Variants in EXOC2 observed in about 807,000 individuals in gnomAD.
The protein encoded by EXOC2 is exocyst complex component 2, also known as SEC5-like 1.
A neutral mutation model predicts 131.8 loss-of-function variants in EXOC2; 70 were observed. The observed-to-expected ratio is 0.53, with a 90% CI of 0.44 to 0.65. EXOC2 has a LOEUF of 0.65. Ranked by LOEUF, EXOC2 falls within the 30% of genes least tolerant of loss-of-function variation. The probability of loss-of-function intolerance (pLI) is 0.00; values close to 1 mark genes in which losing one functional copy is unlikely to be tolerated. For missense variants in EXOC2, 923 were observed against 1,108.6 expected, an observed-to-expected ratio of 0.83 and a Z score of 2.38; for synonymous variants, 411 against 398.4, an observed-to-expected ratio of 1.03 and a Z score of -0.38.
chr6:563,440 A>G (rs1757804625), intron 16 of EXOC2, among the ~76,000 whole-genome samples: 1 of 152,188 alleles, frequency 6.6e-6, no homozygotes, highest in Non-Finnish European at 1.5e-5. Context: ...TAAGCTTCCT[A>G]CCTAAAAAGC....
At chr6:687,171 C>CTATTTTTTTTTTTTTT (rs1764696374) in intron 1 of EXOC2, among the ~76,000 whole-genome samples, 1 of 78,360 alleles carries the variant, frequency 1.3e-5, no homozygotes, top group Non-Finnish European at 2.2e-5. Flanking sequence ...AAATAATATT[C>CTATTTTTTTTTTTTTT]TTTTTTTTTT....
chr6:512,237 A>G (rs771233732), intron 23 of EXOC2, among the ~76,000 whole-genome samples: 23 of 152,198 alleles, frequency 1.5e-4, no homozygotes, highest in Non-Finnish European at 2.5e-4. Flanking sequence ...TCCACGAACA[A>G]TACAGGTTTG....
chr6:595,195 T>C (rs1334086429), intron 10 of EXOC2, among the ~76,000 whole-genome samples: 1 of 151,926 alleles, frequency 6.6e-6, no homozygotes, highest in Non-Finnish European at 1.5e-5. Flanking sequence ...TTAGAAAAAA[T>C]TGTGAACAGT....
At chr6:604,078 C>T (rs575019392) in intron 7 of EXOC2, among the ~76,000 whole-genome samples, 1 of 152,304 alleles carries the variant, frequency 6.6e-6, no homozygotes, top group South Asian at 2.1e-4. Context: ...GCAACTGAGA[C>T]ACAGAGGTTA....
chr6:641,067 G>C (rs564293257), intron 1 of EXOC2, among the ~76,000 whole-genome samples: 1 of 152,106 alleles, frequency 6.6e-6, no homozygotes, highest in African/African-American at 2.4e-5. Flanking sequence ...TGTAGTAACT[G>C]ACCACCGGTT....
chr6:674,107 A>G lies in EXOC2; in HGVS notation c.-44+18912T>C, dbSNP rs9504708. Among the ~76,000 whole-genome samples, 325 of 152,294 alleles carry G rather than the reference A, an allele frequency of 2.1e-3. 1 individual carries two copies. The highest frequency in any genetic ancestry group is 7.6e-3 in the African/African-American group (317 of 41,548). On this transcript the variant is annotated intron_variant, in intron 1 of 27. Transcript: ENST00000230449. The stretch of plus-strand genomic sequence containing the variant: ...TGGTTCAAAGAATAACAAAACTAAC[A>G]AACTCTGAGCTAGAAATTAAGCAAA...
At chr6:595,435 ATCG>A (rs1269937151) in intron 10 of EXOC2, among the ~76,000 whole-genome samples, 2 of 152,074 alleles carry the variant, frequency 1.3e-5, no homozygotes, top group Non-Finnish European at 2.9e-5. Flanking sequence ...TTCTCAAAGC[ATCG>A]TAAATAAAAT....
At chr6:518,680 T>C (rs1016067028) in intron 23 of EXOC2, among the ~76,000 whole-genome samples, 1 of 152,194 alleles carries the variant, frequency 6.6e-6, no homozygotes, top group Admixed American at 6.5e-5. Context: ...GCACTGACTC[T>C]AATATATCAA....
chr6:615,309 CCCCAG>C (rs1462718699), intron 6 of EXOC2, among the ~76,000 whole-genome samples: 12 of 151,954 alleles, frequency 7.9e-5, no homozygotes, highest in African/African-American at 1.2e-4. Flanking sequence ...GTTCAGGAGA[CCCCAG>C]ACACGAATGC....
intron 6 of EXOC2, among the ~76,000 whole-genome samples, chr6:616,774 C>T (rs1384187385): frequency 6.6e-6 from 1 of 151,202 alleles, no homozygotes; most frequent in Admixed American, 6.6e-5. Context: ...GATGGGGTCT[C>T]GCTCTGTCAC....
intron 4 of EXOC2, among the ~76,000 whole-genome samples, chr6:621,455 C>T (rs545390915): frequency 5.3e-5 from 8 of 152,226 alleles, no homozygotes; most frequent in Non-Finnish European, 7.3e-5. Flanking sequence ...CCCTGCACAG[C>T]GAGACGCCAC....
intron 21 of EXOC2, among the ~76,000 whole-genome samples, chr6:549,864 G>C (rs184857192): frequency 6.6e-6 from 1 of 152,196 alleles, no homozygotes; most frequent in African/African-American, 2.4e-5. Context: ...TGGGGAGTGA[G>C]GGTCACTGAG....
intron 22 of EXOC2, among the ~76,000 whole-genome samples, chr6:546,202 T>C (rs914374109): frequency 4.6e-5 from 7 of 152,006 alleles, no homozygotes; most frequent in African/African-American, 1.7e-4. Flanking sequence ...AAAAAATGCA[T>C]GACTGGAAAA....
At chr6:511,005 G>GTT (rs1428615622) in intron 23 of EXOC2, among the ~76,000 whole-genome samples, 3 of 152,212 alleles carry the variant, frequency 2.0e-5, no homozygotes, top group Non-Finnish European at 4.4e-5. Flanking sequence ...TCAAGAAGGT[G>GTT]TTTTGTTTTT....
chr6:650,987 C>T (rs897973259), intron 1 of EXOC2, among the ~76,000 whole-genome samples: 1 of 151,306 alleles, frequency 6.6e-6, no homozygotes, highest in Non-Finnish European at 1.5e-5. Flanking sequence ...AAAATCAAAA[C>T]CTGCAGATCT....
chr6:572,546 A>G lies in EXOC2; in HGVS notation c.1417T>C (p.Tyr473His), dbSNP rs771674302. 3.1e-6 allele frequency: 5 copies of G among 1,614,044 alleles called. No individual in the cohort carries two copies. Among genetic ancestry groups the G allele is most frequent in the Non-Finnish European group, 3.4e-6 (4 of 1,180,018 alleles). Reference sequence around the variant, plus strand: ...TCACTGAAGAGGCTTCCATTAACGTAGGAGATCCAGAGTTTCCAGAAGTTA... The same window carrying G: ...TCACTGAAGAGGCTTCCATTAACGTGGGAGATCCAGAGTTTCCAGAAGTTA... ...LPNFWKLWISYVNGSLFSETA... is the reference protein window; with the variant it reads ...LPNFWKLWISHVNGSLFSETA... The change falls in exon 13 of 28, where the codon TAC (tyrosine) becomes CAC (histidine). Residue 473 changes from tyrosine to histidine, a missense_variant. Tyr to His is a moderately conservative substitution (Grantham distance 83, BLOSUM62 2). Transcript: ENST00000230449.
rs759386313 is a variant in EXOC2, at chr6:497,413, C to T, written c.2513G>A (p.Arg838Gln). Residue 838 changes from arginine (R) to glutamine (Q), a missense_variant, in exon 25 of 28, where the codon CGA becomes CAA. By Grantham distance (43) the Arg-to-Gln change is conservative (BLOSUM62 1). Transcript: ENST00000230449. ...GAAGGATGAAACACACTGCATCAGT[C>T]GACTGAGCTCTTCAGAAACTGCTTC... Reference protein sequence around the residue: ...VIEAVSEELSRLMQCVSSFSK... With the variant: ...VIEAVSEELSQLMQCVSSFSK... The T allele has an allele frequency of 4.3e-6, 7 of 1,613,898 alleles. No individual in the cohort carries two copies. Among genetic ancestry groups the T allele is most frequent in the African/African-American group, 4.0e-5 (3 of 74,918 alleles).
At chr6:575,758 A>G (rs2127598952) in intron 12 of EXOC2, among the ~76,000 whole-genome samples, 1 of 152,354 alleles carries the variant, frequency 6.6e-6, no homozygotes, top group East Asian at 1.9e-4. Flanking sequence ...CTTACATGGT[A>G]TCTTTCCCAA....
chr6:556,106 G>A (rs2064302), intron 18 of EXOC2, 93 bp from the exon 19 acceptor site: 68,318 of 1,145,852 alleles, frequency 0.06, 5,528 homozygotes, highest in East Asian at 0.4. Flanking sequence ...AACGTGGAAC[G>A]CTGCTGCAGG....
Sources: gnomAD v4.1 joint callset for allele counts (sites outside exome capture counted in the v4.1 genomes callset) on GRCh38, gnomAD v4.1.1 for gene constraint, MANE v1.5 for transcripts, NCBI Gene and HGNC (gene_info 2026-07-23, HGNC 2026-07-21) for gene names.